Variants in KCP observed in about 807,000 individuals in gnomAD.
KCP encodes kielin cysteine rich BMP regulator.
KCP carries 194 observed loss-of-function variants against 212.7 expected under a neutral mutation model. The ratio of observed to expected loss-of-function variants is 0.91; its 90% CI spans 0.81 to 1.03. The LOEUF (loss-of-function observed/expected upper bound fraction) is 1.03. Among genes scored for constraint, KCP ranks in the 50% least tolerant of loss-of-function variants. The pLI is 0.00. For synonymous variants in KCP, 833 were observed against 865.3 expected (o/e 0.96, Z 0.65); for missense variants, 2,080 against 2,162.5 (o/e 0.96, Z 0.76).
At chr7:128,904,470 T>C (rs771394666) in intron 5 of KCP, 3 of 969,800 alleles carry the variant, frequency 3.1e-6, no homozygotes, top group Non-Finnish European at 4.6e-6. Flanking sequence ...CCCTTCCTGT[T>C]CCATCCCTCT....
Position 128,880,627 on chromosome 7 carries a change from C to T in KCP, c.3608G>A (p.Arg1203Gln), listed in dbSNP as rs1055635706. ...TCACCCTGGCTGCGCACCTTGGCAT[C>T]GCTCACAGCAGCTGTCAGCCTGGGG... ...KVPQADSCCE[R>Q]CQAPTQSCVH... The change falls in exon 33 of 40, where the codon CGA becomes CAA. Residue 1203 changes from arginine (R) to glutamine (Q), a missense_variant. By Grantham distance (43) the Arg-to-Gln change is conservative. Coordinates refer to ENST00000610776, the MANE Select transcript of KCP (RefSeq NM_001366122.1). 1.5e-5 allele frequency: 17 copies of T among 1,135,322 alleles called. No individual in the cohort carries two copies. The highest frequency in any genetic ancestry group is 9.6e-5 in the African/African-American group (6 of 62,396). The allele number at this position is 1,135,322 out of a possible 1,614,324, so 70.3% of individuals were successfully genotyped here.
Position 128,880,477 on chromosome 7 carries a change from C to T in KCP, c.3668G>A (p.Arg1223His), listed in dbSNP as rs774570940. 15 of 1,541,542 alleles carry T rather than the reference C, an allele frequency of 9.7e-6. No homozygotes were observed. The highest frequency in any genetic ancestry group is 4.8e-5 in the South Asian group (4 of 83,534). The change falls in exon 34 of 40, where the codon CGC becomes CAC. Residue 1223 changes from arginine (R) to histidine (H), a missense_variant. Arg to His is a conservative substitution (Grantham distance 29). Coordinates refer to ENST00000610776, the MANE Select transcript of KCP (RefSeq NM_001366122.1). ...GCTGGTGCAGGTGTCCACAGTCCAG[C>T]GCTCTCCAGAGGCCACCTCACGGCC... Reference protein sequence around the residue: ...HQGREVASGERWTVDTCTSCS... With the variant: ...HQGREVASGEHWTVDTCTSCS...
chr7:128,892,675 G>T lies in KCP; in HGVS notation c.1527+13C>A. 1 of 1,551,528 alleles carries T rather than the reference G, an allele frequency of 6.4e-7. No individual in the cohort carries two copies. The highest frequency in any genetic ancestry group is 8.7e-7 in the Non-Finnish European group (1 of 1,146,750). On this transcript the variant is annotated intron_variant, in intron 15 of 39. Transcript: ENST00000610776. ...AGGGGCTCAGCAGGGCAGCAGCAAGGCTGGGCAGTTACCTGACAGTGGCAG... is the reference window on the plus strand; with the variant it reads ...AGGGGCTCAGCAGGGCAGCAGCAAGTCTGGGCAGTTACCTGACAGTGGCAG...
rs1286100877 is a variant in KCP, at chr7:128,907,045, G to T, written c.486+56C>A. The T allele has an allele frequency of 4.0e-6, 6 of 1,494,564 alleles. No homozygotes were observed. In the East Asian group the frequency reaches 1.5e-4, roughly 37 times the overall value. The allele number at this position is 1,494,564 out of a possible 1,614,324, so 92.6% of individuals were successfully genotyped here. Reference sequence around the variant, plus strand: ...CTTGAGTGCCACGCTGCAGTGACAGGTAGCTGGAGAGAGGCAGACAGGTGA... The same window carrying T: ...CTTGAGTGCCACGCTGCAGTGACAGTTAGCTGGAGAGAGGCAGACAGGTGA... On this transcript the variant is annotated intron_variant, in intron 4 of 39. Transcript: ENST00000610776.
chr7:128,884,927 T>C (rs946154976), intron 27 of KCP, 64 bp from the exon 28 acceptor site: 1 of 1,507,914 alleles, frequency 6.6e-7, no homozygotes, highest in Non-Finnish European at 9.0e-7. Context: ...GAGGCAGGGG[T>C]GGAGTCCTCT....
chr7:128,877,795 G>A lies in KCP; in HGVS notation c.4312-5C>T, dbSNP rs1214376174. On this transcript the variant is annotated splice_region_variant and splice_polypyrimidine_tract_variant and intron_variant, in intron 38 of 39. Transcript: ENST00000610776. ...AGGCCACAGCCCCTCTGAGACCTGG[G>A]TGGGGAGAGCAGCCCTGACGTGACA... 6.5e-7 allele frequency: 1 copy of A among 1,543,716 alleles called. No homozygotes were observed.
In KCP at chr7:128,907,116, G is replaced by A. The variant is rs1795159860; in HGVS notation, c.471C>T (p.Thr157=). 2.6e-6 allele frequency: 4 copies of A among 1,551,398 alleles called. No individual in the cohort carries two copies. The East Asian group carries it at 7.3e-5, about 28-fold the overall frequency. Residue 157 remains threonine (T), a synonymous_variant, in exon 4 of 40, where the codon ACC becomes ACT. Transcript: ENST00000610776. ...NGETFSPDAC[T]TCRCLEGTIT... The stretch of plus-strand genomic sequence containing the variant: ...GGGAGCTTACCAGACAGCGGCAGGT[G>A]GTGCAGGCATCTGGGGAGAAGGTCT...
At chr7:128,910,031 G>A (rs1218312967) in intron 1 of KCP, among the ~76,000 whole-genome samples, 2 of 152,178 alleles carry the variant, frequency 1.3e-5, no homozygotes, top group African/African-American at 2.4e-5. Flanking sequence ...CTCCAGTTCT[G>A]CTTAAGTAGG....
chr7:128,902,253 T>G (rs187736531), intron 8 of KCP, among the ~76,000 whole-genome samples: 13 of 152,344 alleles, frequency 8.5e-5, no homozygotes, highest in Admixed American at 1.3e-4. Flanking sequence ...ACATATTTCA[T>G]TTGGTCCAAT....
At chr7:128,896,280 G>A (rs73461520) in intron 8 of KCP, among the ~76,000 whole-genome samples, 15,408 of 152,124 alleles carry the variant, frequency 0.1, 2,409 homozygotes, top group African/African-American at 0.33. Context: ...TAGAGGCCCA[G>A]CTTAGGGGAA....
intron 26 of KCP, among the ~76,000 whole-genome samples, chr7:128,885,876 C>T (rs886885168): frequency 4.0e-5 from 6 of 151,830 alleles, no homozygotes; most frequent in East Asian, 1.9e-4. Flanking sequence ...TCCACTTTCT[C>T]GTCTGTAAAA....
Position 128,907,151 on chromosome 7 carries a change from C to T in KCP, c.436G>A (p.Gly146Ser), listed in dbSNP as rs73721657. 9.8e-3 allele frequency: 15,127 copies of T among 1,551,450 alleles called. 1,299 individuals are homozygous for T. In the African/African-American group the frequency reaches 0.18, roughly 19 times the overall value. Residue 146 changes from glycine to serine, a missense_variant, in exon 4 of 40, where the codon GGC (glycine) becomes AGC (serine). Gly to Ser is a moderately conservative substitution (Grantham distance 56). Coordinates refer to ENST00000610776, the MANE Select transcript of KCP (RefSeq NM_001366122.1). ...RGCSQNGQTY[G>S]NGETFSPDAC... ...TCTGGGGAGAAGGTCTCCCCGTTGC[C>T]GTAGGTCTGGCCATTTTGGCTGCAG...
At position 128,903,776 on chromosome 7, in the gene KCP, G is replaced by A; in HGVS notation, c.699C>T (p.Pro233=). ...CAGGCCTCAGCACTGGCTCTGGGCA[G>A]GGGCTAGGCGGGCACTTCAGGGCCA... ...RCMALKCPPS[P]CPEPVLRPGH... is the part of the protein sequence containing the mutation. Residue 233 remains proline (P), a synonymous_variant, in exon 7 of 40, where the codon CCC becomes CCT. Transcript: ENST00000610776. 1 of 1,551,506 alleles carries A rather than the reference G, an allele frequency of 6.4e-7. No individual in the cohort carries two copies. Among genetic ancestry groups the A allele is most frequent in the Non-Finnish European group, 8.7e-7 (1 of 1,146,938 alleles).
chr7:128,882,655 T>C (rs1405455082), intron 29 of KCP, among the ~76,000 whole-genome samples: 2 of 152,166 alleles, frequency 1.3e-5, no homozygotes, highest in African/African-American at 4.8e-5. Context: ...CCCTGATGGA[T>C]GCCAGGGATG....
chr7:128,909,021 A>G (rs887301952), intron 1 of KCP, among the ~76,000 whole-genome samples: 1 of 152,218 alleles, frequency 6.6e-6, no homozygotes, highest in Non-Finnish European at 1.5e-5. Flanking sequence ...GAAGGGTGTG[A>G]GAAATGTGCT....
In KCP at chr7:128,881,650, C is replaced by G. The variant is rs1793341721; in HGVS notation, c.3400G>C (p.Gly1134Arg). The G allele has an allele frequency of 6.6e-7, 1 of 1,510,638 alleles. No individual in the cohort carries two copies. Among genetic ancestry groups the G allele is most frequent in the Non-Finnish European group, 8.8e-7 (1 of 1,135,826 alleles). 93.6% of individuals were successfully genotyped at this position (1,510,638 alleles called of 1,614,324 possible). ...CPLSERHTPP[G>R]SCCPVCRECV... ...CCCCGGCATACGGGGCAGCAGCTCC[C>G]AGGGGGAGTGTGGCGCTCTGAGAGG... Residue 1134 changes from glycine (G) to arginine (R), a missense_variant, in exon 31 of 40, where the codon GGG becomes CGG. Transcript: ENST00000610776.
At chr7:128,886,767 G>A (rs767949042) in intron 24 of KCP, 30 bp from the exon 25 acceptor site, 7 of 1,544,096 alleles carry the variant, frequency 4.5e-6, no homozygotes, top group Middle Eastern at 1.7e-4. Flanking sequence ...TGGGTGGGGG[G>A]CCTGTGCCAC....
At chr7:128,906,645 G>A (rs1795132406) in intron 4 of KCP, among the ~76,000 whole-genome samples, 1 of 152,086 alleles carries the variant, frequency 6.6e-6, no homozygotes, top group African/African-American at 2.4e-5. Context: ...ACTTTCTCAG[G>A]GAGGAAGGAG....
chr7:128,908,282 G>GAAAGAAAGAAAGAAAGAAAGAA, intron 2 of KCP, 144 bp downstream of exon 2: 2 of 589,794 alleles, frequency 3.4e-6, no homozygotes, highest in Non-Finnish European at 5.0e-6. Context: ...AAGAAAGAAA[G>GAAAGAAAGAAAGAAAGAAAGAA]AAAGAAAGAA....
Sources: gnomAD v4.1 joint callset for allele counts (sites outside exome capture counted in the v4.1 genomes callset) on GRCh38, gnomAD v4.1.1 for gene constraint, MANE v1.5 for transcripts, NCBI Gene and HGNC (gene_info 2026-07-23, HGNC 2026-07-21) for gene names.